TRMT5: variants seen among roughly 807,000 people sequenced by gnomAD.
TRMT5 encodes tRNA (guanine(37)-N(1))-methyltransferase.
Under a neutral mutation model 42.2 loss-of-function variants are expected in TRMT5, and 31 were observed. The observed-to-expected ratio is 0.73, with a 90% confidence interval of 0.55 to 0.99. TRMT5 has a LOEUF of 0.99. TRMT5 is among the 50% of genes least tolerant of loss of function. The pLI, the probability that TRMT5 is intolerant of heterozygous loss-of-function variation, is 0.00. For missense variants in TRMT5, 568 were observed against 595.0 expected, an observed-to-expected ratio of 0.95 and a Z score of 0.47; for synonymous variants, 198 against 209.6, an observed-to-expected ratio of 0.94 and a Z score of 0.48.
Position 60,979,627 on chromosome 14 carries a change from T to A in TRMT5, c.271A>T (p.Lys91Ter). The change falls in exon 2 of 5, where the codon AAA becomes TAA. Residue 91 changes from lysine (K) to a stop codon, truncating the protein, a stop_gained. Transcript: ENST00000261249. LOFTEE classifies it high-confidence loss of function. ...GMTKLDRTAF[K>*]KTVNIPVLKV... ...AGCACTGGAATGTTGACTGTCTTTT[T>A]AAAAGCTGTTCTATCAAGTTTTGTC... 6.2e-7 allele frequency: 1 copy of A among 1,614,182 alleles called. No homozygotes were observed. Among genetic ancestry groups the A allele is most frequent in the Non-Finnish European group, 8.5e-7 (1 of 1,180,032 alleles).
intron 4 of TRMT5, 48 bp downstream of exon 4, chr14:60,975,427 T>C (rs1316355836): frequency 3.8e-6 from 6 of 1,573,552 alleles, no homozygotes; most frequent in Non-Finnish European, 5.2e-6. Flanking sequence ...AGGAATTAGT[T>C]ACAATTGAAT....
rs1236263916 is a variant in TRMT5 at position 60,971,664 on chromosome 14, ATGT to A, written c.*3442_*3444del. On this transcript the variant is annotated 3_prime_UTR_variant, in exon 5 of 5. Transcript: ENST00000261249. ...AGAGGGTTAACATTTCACATTTAGC[ATGT>A]TGTTTAACAACTTTTCACAAGCCAA... 1 of 174,160 alleles carries A rather than the reference ATGT, an allele frequency of 5.7e-6. No individual in the cohort carries two copies. The highest frequency in any genetic ancestry group is 1.8e-4 in the East Asian group (1 of 5,622). The allele number at this position is 174,160 out of a possible 1,614,324, so 10.8% of individuals were successfully genotyped here.
intron 3 of TRMT5, 106 bp downstream of exon 3, chr14:60,977,408 C>T: frequency 8.6e-7 from 1 of 1,157,914 alleles, no homozygotes; most frequent in Non-Finnish European, 1.2e-6. Context: ...CACATTCTCA[C>T]ATACTCACCA....
chr14:60,979,769 CA>C lies in TRMT5; in HGVS notation c.128del (p.Leu43TrpfsTer40), dbSNP rs1260228484. The C allele has an allele frequency of 1.2e-6, 2 of 1,613,794 alleles. No homozygotes were observed. The highest frequency in any genetic ancestry group is 2.2e-5 in the East Asian group (1 of 44,880). ...CCAATAAGAAAATACCAGGTGCTTCCAAAAGCATCTGTGTCAGGGATGTCCA... is the reference window on the plus strand; with the variant it reads ...CCAATAAGAAAATACCAGGTGCTTCCAAAGCATCTGTGTCAGGGATGTCCA... Reference protein sequence around the residue: ...VAWTSLTQMLLEAPGIFLLGQ... With the variant: ...VAWTSLTQMLXEAPGIFLLGQ... On this transcript the variant is annotated frameshift_variant, in exon 2 of 5. Coordinates refer to ENST00000261249, the MANE Select transcript of TRMT5 (RefSeq NM_020810.3). LOFTEE classifies it high-confidence loss of function.
At chr14:60,981,131 A>G, upstream of TRMT5, 1 of 1,554,388 alleles carries the variant, frequency 6.4e-7, no homozygotes. Context: ...GATCAAGTCG[A>G]CTCGCTCCTC....
Position 60,975,802 on chromosome 14 carries a change from C to G in TRMT5, c.1117G>C (p.Gly373Arg), listed in dbSNP as rs2036839026. 1 of 1,614,056 alleles carries G rather than the reference C, an allele frequency of 6.2e-7. No homozygotes were observed. The highest frequency in any genetic ancestry group is 1.3e-5 in the African/African-American group (1 of 74,910). ...GAGGGTTTTCTTTCTTTTGACAGAC[C>G]CAGCAGCTGCATTAACTCTTCTTTG... is the stretch of plus-strand genomic sequence containing the variant. ...PVKEELMQLLGLSKERKPSVH... is the reference protein window; with the variant it reads ...PVKEELMQLLRLSKERKPSVH... The change falls in exon 4 of 5, where the codon GGT becomes CGT. Residue 373 changes from glycine to arginine, a missense_variant. By Grantham distance (125) the Gly-to-Arg change is moderately radical. Coordinates refer to ENST00000261249, the MANE Select transcript of TRMT5 (RefSeq NM_020810.3).
intron 2 of TRMT5, 65 bp downstream of exon 2, chr14:60,979,166 T>C: frequency 7.1e-7 from 1 of 1,415,874 alleles, no homozygotes; most frequent in Non-Finnish European, 9.5e-7. Flanking sequence ...AAATAATTTT[T>C]AAAGCTAAAA....
chr14:60,981,163 T>C (rs2036976976), upstream of TRMT5: 2 of 1,537,020 alleles, frequency 1.3e-6, no homozygotes. Flanking sequence ...CCTGGTGAAG[T>C]ACGGAATGCC....
Position 60,977,509 on chromosome 14 carries a change from T to C in TRMT5, c.792+5A>G. ...TACACCTTACTTGGAGATAATAAAA[T>C]ATACCTTTGTCATCATGTTCTGCTC... On this transcript the variant is annotated splice_donor_5th_base_variant and intron_variant, in intron 3 of 4. Coordinates refer to ENST00000261249, the MANE Select transcript of TRMT5 (RefSeq NM_020810.3). 3 of 1,600,274 alleles carry C rather than the reference T, an allele frequency of 1.9e-6. No individual in the cohort carries two copies. The highest frequency in any genetic ancestry group is 2.6e-6 in the Non-Finnish European group (3 of 1,175,318).
At position 60,975,823 on chromosome 14, in the gene TRMT5, CT is replaced by C; in HGVS notation, c.1095del (p.Glu366LysfsTer3). The C allele has an allele frequency of 6.2e-7, 1 of 1,614,232 alleles. No homozygotes were observed. Among genetic ancestry groups the C allele is most frequent in the Non-Finnish European group, 8.5e-7 (1 of 1,180,040 alleles). On this transcript the variant is annotated frameshift_variant, in exon 4 of 5. Coordinates refer to ENST00000261249, the MANE Select transcript of TRMT5 (RefSeq NM_020810.3). LOFTEE classifies it high-confidence loss of function. Reference protein sequence around the residue: ...DGKDFLQGPVKEELMQLLGLS... With the variant: ...DGKDFLQGPVXEELMQLLGLS... The stretch of plus-strand genomic sequence containing the variant: ...AGACCCAGCAGCTGCATTAACTCTT[CT>C]TTGACTGGTCCTTGGAGGAAGTCTT...
Position 60,979,328 on chromosome 14 carries a change from A to G in TRMT5, c.570T>C (p.Leu190=), listed in dbSNP as rs1465992878. 6.2e-7 allele frequency: 1 copy of G among 1,614,178 alleles called. No individual in the cohort carries two copies. The highest frequency in any genetic ancestry group is 1.1e-5 in the South Asian group (1 of 91,082). ...CTGAAGTTACATCTTGACCTTCAGG[A>G]AGCACAGCTCTCAAGATTTCTTCTG... The part of the protein sequence containing the change: ...FKSEEILRAV[L]PEGQDVTSGF... Residue 190 remains leucine, a synonymous_variant, in exon 2 of 5, where the codon CTT becomes CTC. Coordinates refer to ENST00000261249, the MANE Select transcript of TRMT5 (RefSeq NM_020810.3).
At chr14:60,976,241 C>T (rs1378814766) in intron 3 of TRMT5, 115 bp from the exon 4 acceptor site, 29 of 1,197,268 alleles carry the variant, frequency 2.4e-5, no homozygotes, top group Non-Finnish European at 3.3e-5. Context: ...AAGTTTACTA[C>T]TGTAAGAGCC....
In TRMT5 at chr14:60,974,471, G is replaced by A. The variant is rs1031438790; in HGVS notation, c.*638C>T. 6.6e-6 allele frequency: 1 copy of A among 152,262 alleles called. No homozygotes were observed. The highest frequency in any genetic ancestry group is 6.5e-5 in the Admixed American group (1 of 15,280). The allele number at this position is 152,262 out of a possible 1,614,324, so 9.4% of individuals were successfully genotyped here. ...AGCTGCAGATGATATGTAAACAAATGAGCATGGTATGTTCCAATCAAACTT... is the reference window on the plus strand; with the variant it reads ...AGCTGCAGATGATATGTAAACAAATAAGCATGGTATGTTCCAATCAAACTT... On this transcript the variant is annotated 3_prime_UTR_variant, in exon 5 of 5. Coordinates refer to ENST00000261249, the MANE Select transcript of TRMT5 (RefSeq NM_020810.3).
At position 60,974,262 on chromosome 14, in the gene TRMT5, TGAC is replaced by T. The variant is rs2139638651; in HGVS notation, c.*844_*846del. The T allele has an allele frequency of 6.6e-6, 1 of 152,342 alleles. No homozygotes were observed. The highest frequency in any genetic ancestry group is 2.4e-5 in the African/African-American group (1 of 41,582). The allele number at this position is 152,342 out of a possible 1,614,324, so 9.4% of individuals were successfully genotyped here. Reference sequence around the variant, plus strand: ...TGTGTCAAACAGCAGTGTGAAGTGATGACAGTCACATTCAGTGTGTGTTGCAAC... The same window carrying T: ...TGTGTCAAACAGCAGTGTGAAGTGATAGTCACATTCAGTGTGTGTTGCAAC... On this transcript the variant is annotated 3_prime_UTR_variant, in exon 5 of 5. Transcript: ENST00000261249.
intron 1 of TRMT5, 58 bp downstream of exon 1, chr14:60,980,905 C>A (rs1365266525): frequency 6.2e-7 from 1 of 1,611,578 alleles, no homozygotes; most frequent in East Asian, 2.2e-5. Context: ...AGAGAGCAGC[C>A]CTGGGCGGGC....
At chr14:60,979,085 G>A in intron 2 of TRMT5, 146 bp downstream of exon 2, 1 of 712,792 alleles carries the variant, frequency 1.4e-6, no homozygotes, top group South Asian at 2.1e-5. Flanking sequence ...TCAAAAGAGG[G>A]TATGTAGCTC....
chr14:60,973,518 A>G lies in TRMT5; in HGVS notation c.*1591T>C, dbSNP rs1337673518. 6.6e-6 allele frequency: 1 copy of G among 152,246 alleles called. No individual in the cohort carries two copies. Among genetic ancestry groups the G allele is most frequent in the Non-Finnish European group, 1.5e-5 (1 of 68,050 alleles). The allele number at this position is 152,246 out of a possible 1,614,324, so 9.4% of individuals were successfully genotyped here. On this transcript the variant is annotated 3_prime_UTR_variant, in exon 5 of 5. Transcript: ENST00000261249. ...AAACCATTCACGAGGGCCACATATA[A>G]GGGCTCACACCTGTAACCTTCACAC... is the stretch of plus-strand genomic sequence containing the variant.
In TRMT5 at chr14:60,974,560, T is replaced by C. The variant is rs984067626; in HGVS notation, c.*549A>G. 4 of 152,224 alleles carry C rather than the reference T, an allele frequency of 2.6e-5. No individual in the cohort carries two copies. The highest frequency in any genetic ancestry group is 9.6e-5 in the African/African-American group (4 of 41,466). The allele number at this position is 152,224 out of a possible 1,614,324, so 9.4% of individuals were successfully genotyped here. ...TTTTAAAACTGATACATAATAGATG[T>C]CATAAAATTTTCACGTCACAAAATG... is the stretch of plus-strand genomic sequence containing the variant. On this transcript the variant is annotated 3_prime_UTR_variant, in exon 5 of 5. Transcript: ENST00000261249.
At chr14:60,981,337 G>T (rs1411867920), upstream of TRMT5, 5 of 1,610,604 alleles carry the variant, frequency 3.1e-6, no homozygotes, top group Non-Finnish European at 4.2e-6. Flanking sequence ...CTGTCCAGCA[G>T]CCTGAAGAAG....
Sources: gnomAD v4.1 joint callset for allele counts on GRCh38, gnomAD v4.1.1 for gene constraint, MANE v1.5 for transcripts, NCBI Gene and HGNC (gene_info 2026-07-23, HGNC 2026-07-21) for gene names.